The following CIAPIN1 variants were observed in gnomAD, a reference collection of about 807,000 sequenced individuals.
CIAPIN1 encodes cytokine induced apoptosis inhibitor 1, also known as anamorsin.
A neutral mutation model predicts 34.3 loss-of-function variants in CIAPIN1; 18 were observed. That is an observed-to-expected ratio of 0.52 (90% CI 0.36 to 0.78). The LOEUF (loss-of-function observed/expected upper bound fraction) is 0.78. Ranked by LOEUF, CIAPIN1 falls within the 30% of genes least tolerant of loss-of-function variation. The probability of loss-of-function intolerance (pLI) is 0.00; values close to 1 mark genes in which losing one functional copy is unlikely to be tolerated. For missense variants in CIAPIN1, 310 were observed against 372.5 expected (o/e 0.83, Z 1.38); for synonymous variants, 131 against 140.4 (o/e 0.93, Z 0.47).
Position 57,429,025 on chromosome 16 carries a change from C to T in CIAPIN1, c.*145G>A. The T allele has an allele frequency of 3.2e-6, 2 of 633,714 alleles. No individual in the cohort carries two copies. Among genetic ancestry groups the T allele is most frequent in the Non-Finnish European group, 5.7e-6 (2 of 350,020 alleles). 39.3% of individuals were successfully genotyped at this position (633,714 alleles called of 1,614,324 possible). A position where few individuals can be genotyped will look rare whatever the true frequency, so the allele number is the denominator to read the frequency against. On this transcript the variant is annotated 3_prime_UTR_variant, in exon 9 of 9. Coordinates refer to ENST00000394391, the MANE Select transcript of CIAPIN1 (RefSeq NM_020313.4). ...ACTACACACCACTGTGCCCCCCAGC[C>T]AGCTTCACTCTGTCTGCTAAGCACC...
intron 1 of CIAPIN1, among the ~76,000 whole-genome samples, chr16:57,443,498 C>G (rs1428233573): frequency 6.6e-6 from 1 of 152,136 alleles, no homozygotes; most frequent in Non-Finnish European, 1.5e-5. Flanking sequence ...CACTCCGTCA[C>G]CCAGGCTGGA....
intron 1 of CIAPIN1, among the ~76,000 whole-genome samples, chr16:57,443,328 G>A (rs1170077135): frequency 1.3e-5 from 2 of 151,834 alleles, no homozygotes; most frequent in East Asian, 1.9e-4. Flanking sequence ...TTTAGTAGAC[G>A]GGGTTTCTCC....
intron 6 of CIAPIN1, among the ~76,000 whole-genome samples, chr16:57,432,274 T>C (rs370127132): frequency 7.2e-5 from 11 of 151,990 alleles, no homozygotes; most frequent in African/African-American, 1.7e-4. Flanking sequence ...GATTGTGCCA[T>C]TGCACTCCAG....
chr16:57,429,993 T>C (rs1304049248), intron 8 of CIAPIN1, among the ~76,000 whole-genome samples: 1 of 152,142 alleles, frequency 6.6e-6, no homozygotes, highest in Non-Finnish European at 1.5e-5. Context: ...TTTAGCTAAC[T>C]GTCTAACCAT....
intron 4 of CIAPIN1, among the ~76,000 whole-genome samples, chr16:57,435,495 T>A (rs549656086): frequency 1.8e-4 from 27 of 152,304 alleles, no homozygotes; most frequent in Admixed American, 1.4e-3. Flanking sequence ...ATAAAGAATC[T>A]AAGGCCTGGC....
chr16:57,436,505 G>A, intron 4 of CIAPIN1, 151 bp downstream of exon 4: 1 of 465,238 alleles, frequency 2.1e-6, no homozygotes, highest in South Asian at 2.3e-5. Flanking sequence ...TGGGATTACA[G>A]ACGTGAGCCA....
intron 1 of CIAPIN1, among the ~76,000 whole-genome samples, chr16:57,442,060 C>T (rs1903344947): frequency 6.6e-6 from 1 of 152,264 alleles, no homozygotes; most frequent in South Asian, 2.1e-4. Flanking sequence ...AAAATGTTGA[C>T]TTCGGCTGGG....
intron 7 of CIAPIN1, 22 bp from the exon 8 acceptor site, chr16:57,430,361 A>C: frequency 1.2e-6 from 2 of 1,611,612 alleles, no homozygotes; most frequent in Non-Finnish European, 1.7e-6. Flanking sequence ...TCAGTAACTA[A>C]TGAACGAGAA....
At chr16:57,438,434 A>T (rs1298198651) in intron 3 of CIAPIN1, among the ~76,000 whole-genome samples, 2 of 152,252 alleles carry the variant, frequency 1.3e-5, no homozygotes, top group East Asian at 3.8e-4. Context: ...AACAAAAAAA[A>T]GTTCTGTATA....
At chr16:57,446,950 C>T (rs1309252299) in intron 1 of CIAPIN1, among the ~76,000 whole-genome samples, 1 of 152,208 alleles carries the variant, frequency 6.6e-6, no homozygotes, top group East Asian at 1.9e-4. Flanking sequence ...GGGACCAAAA[C>T]GTCACGGGGA....
Position 57,430,323 on chromosome 16 carries a change from C to T in CIAPIN1, c.763G>A (p.Glu255Lys), listed in dbSNP as rs1181713950. ...CTTGACTTCTCTTTTTCCAGTTCTTCGGCAAGGCCACAGGTGCTGCGGGAA... is the reference window on the plus strand; with the variant it reads ...CTTGACTTCTCTTTTTCCAGTTCTTTGGCAAGGCCACAGGTGCTGCGGGAA... ...ACKNCTCGLAEELEKEKSREQ... is the reference protein window; with the variant it reads ...ACKNCTCGLAKELEKEKSREQ... Residue 255 changes from glutamate to lysine, a missense_variant, in exon 8 of 9, where the codon GAA (glutamate) becomes AAA (lysine). Physicochemically the swap from Glu to Lys is moderately conservative, Grantham distance 56. Coordinates refer to ENST00000394391, the MANE Select transcript of CIAPIN1 (RefSeq NM_020313.4). The T allele has an allele frequency of 1.5e-5, 25 of 1,614,064 alleles. No individual in the cohort carries two copies. The highest frequency in any genetic ancestry group is 1.8e-5 in the Non-Finnish European group (21 of 1,180,030).
intron 8 of CIAPIN1, among the ~76,000 whole-genome samples, chr16:57,429,699 A>G (rs560893471): frequency 2.6e-5 from 4 of 151,830 alleles, no homozygotes; most frequent in African/African-American, 7.3e-5. Context: ...TCACCATGTT[A>G]GCCAGGATGG....
chr16:57,444,099 A>C (rs1439432759), intron 1 of CIAPIN1, among the ~76,000 whole-genome samples: 1 of 152,172 alleles, frequency 6.6e-6, no homozygotes, highest in African/African-American at 2.4e-5. Flanking sequence ...AGCTAGAGAA[A>C]ACAAGCCAAA....
At chr16:57,440,504 G>A (rs1458266221) in intron 2 of CIAPIN1, among the ~76,000 whole-genome samples, 3 of 151,924 alleles carry the variant, frequency 2.0e-5, no homozygotes, top group African/African-American at 4.8e-5. Flanking sequence ...TGTCTCCCCC[G>A]GACACCCAGC....
chr16:57,430,379 C>A, intron 7 of CIAPIN1, 40 bp from the exon 8 acceptor site: 1 of 1,596,608 alleles, frequency 6.3e-7, no homozygotes, highest in Non-Finnish European at 8.6e-7. Flanking sequence ...GAATTGTCAC[C>A]ACCCAGAAAT....
At chr16:57,430,191 T>C in intron 8 of CIAPIN1, 67 bp downstream of exon 8, 1 of 1,327,122 alleles carries the variant, frequency 7.5e-7, no homozygotes, top group Non-Finnish European at 1.1e-6. Flanking sequence ...TTGTCTGTGT[T>C]TAGTTTAGAA....
At chr16:57,430,535 C>T (rs1903064273) in intron 7 of CIAPIN1, 196 bp from the exon 8 acceptor site, 21 of 597,838 alleles carry the variant, frequency 3.5e-5, no homozygotes, top group Middle Eastern at 2.6e-4. Context: ...GAGGGAAGTA[C>T]CGTGTGTGCT....
intron 1 of CIAPIN1, among the ~76,000 whole-genome samples, chr16:57,443,245 T>G (rs192538912): frequency 1.1e-4 from 17 of 151,236 alleles, no homozygotes; most frequent in African/African-American, 3.9e-4. Context: ...GTTCAAGCGA[T>G]TCTCACGCCT....
intron 2 of CIAPIN1, 34 bp downstream of exon 2, chr16:57,440,738 C>A: frequency 6.3e-7 from 1 of 1,581,858 alleles, no homozygotes; most frequent in Non-Finnish European, 8.6e-7. Context: ...GAAACCCCTC[C>A]AGCCTCATAA....
Sources: gnomAD v4.1 joint callset for allele counts (sites outside exome capture counted in the v4.1 genomes callset) on GRCh38, gnomAD v4.1.1 for gene constraint, MANE v1.5 for transcripts, NCBI Gene and HGNC (gene_info 2026-07-23, HGNC 2026-07-21) for gene names.